Variants in PDXDC1 observed in about 807,000 individuals in gnomAD.
The protein encoded by PDXDC1 is pyridoxal-dependent decarboxylase domain-containing protein 1.
PDXDC1 carries 42 observed loss-of-function variants against 100.1 expected under a neutral mutation model. The ratio of observed to expected loss-of-function variants is 0.42; its 90% CI spans 0.33 to 0.54. The LOEUF is 0.54. PDXDC1 is among the 20% of genes least tolerant of loss of function. PDXDC1 has a pLI of 0.10. For missense variants in PDXDC1, 636 were observed against 979.2 expected (o/e 0.65, Z 4.68); for synonymous variants, 260 against 371.7 (o/e 0.70, Z 3.46).
intron 16 of PDXDC1, chr16:15,076,797 G>A (rs762847840): frequency 3.2e-6 from 2 of 627,750 alleles, no homozygotes; most frequent in Admixed American, 5.6e-5. Flanking sequence ...CACAATTATG[G>A]TGCAAGCCTG....
chr16:15,106,344 C>A (rs1209289314), intron 16 of PDXDC1: 4 of 669,920 alleles, frequency 6.0e-6, no homozygotes, highest in Non-Finnish European at 1.0e-5. Flanking sequence ...TCACTTTCAT[C>A]AGATAAAGCA....
chr16:14,996,996 C>T (rs1350640048), intron 1 of PDXDC1, among the ~76,000 whole-genome samples: 1 of 152,224 alleles, frequency 6.6e-6, no homozygotes, highest in Non-Finnish European at 1.5e-5. Context: ...TCATGCGTTG[C>T]CGGTACCCTG....
intron 17 of PDXDC1, 172 bp from the exon 18 acceptor site, chr16:15,032,689 C>G (rs1039507056): frequency 6.9e-6 from 3 of 433,098 alleles, no homozygotes; most frequent in Non-Finnish European, 8.3e-6. Context: ...GTGACTTTCT[C>G]TTTACTCCTG....
chr16:14,980,117 T>C (rs1306087722), intron 1 of PDXDC1, among the ~76,000 whole-genome samples: 1 of 152,282 alleles, frequency 6.6e-6, no homozygotes, highest in Non-Finnish European at 1.5e-5. Flanking sequence ...TGATCCTAGA[T>C]ATTTATGGCT....
At chr16:15,044,514 C>G (rs1364712526) in intron 16 of PDXDC1, 1 of 761,222 alleles carries the variant, frequency 1.3e-6, no homozygotes, top group African/African-American at 1.7e-5. Context: ...TGCTCTACAG[C>G]AGAGCTGCAG....
chr16:15,032,173 A>G (rs1316698727), intron 17 of PDXDC1: 2 of 499,516 alleles, frequency 4.0e-6, no homozygotes, highest in Non-Finnish European at 7.2e-6. Context: ...CAACAGGTAT[A>G]TATCACTCAC....
chr16:15,068,607 G>A (rs1352489081), intron 16 of PDXDC1, among the ~76,000 whole-genome samples: 2 of 152,194 alleles, frequency 1.3e-5, no homozygotes, highest in African/African-American at 4.8e-5. Flanking sequence ...AAGACCTTGT[G>A]ATTTGGTTTC....
chr16:15,132,455 A>G (rs1364335224), intron 16 of PDXDC1, among the ~76,000 whole-genome samples: 25 of 137,672 alleles, frequency 1.8e-4, no homozygotes, highest in African/African-American at 3.8e-4. Flanking sequence ...GGAGAGTGGA[A>G]GGCACAGAAC....
At chr16:15,051,296 G>A (rs2044280838) in intron 16 of PDXDC1, among the ~76,000 whole-genome samples, 1 of 152,194 alleles carries the variant, frequency 6.6e-6, no homozygotes, top group Non-Finnish European at 1.5e-5. Context: ...AGAAATAAAA[G>A]CAAAAATTAT....
rs1254286373 is a variant in PDXDC1, at chr16:15,047,763, A to G, written c.1399+17707A>G. The G allele has an allele frequency of 4.4e-6, 5 of 1,147,418 alleles. No homozygotes were observed. The African/African-American group carries it at 4.6e-5, about 10-fold the overall frequency. The allele number at this position is 1,147,418 out of a possible 1,614,324, so 71.1% of individuals were successfully genotyped here. On this transcript the variant is annotated intron_variant, in intron 16 of 16. Coordinates refer to the PDXDC1 transcript ENST00000535621. Reference sequence around the variant, plus strand: ...AAAAGGTAAGCGGAGTCCGCTTCCAACAAGACACCAGGAAACTCAACACGA... The same window carrying G: ...AAAAGGTAAGCGGAGTCCGCTTCCAGCAAGACACCAGGAAACTCAACACGA...
chr16:15,036,093 T>C lies in PDXDC1; in HGVS notation c.2185T>C (p.Leu729=). The C allele has an allele frequency of 6.2e-7, 1 of 1,614,098 alleles. No homozygotes were observed. The highest frequency in any genetic ancestry group is 1.1e-5 in the South Asian group (1 of 91,072). ...CAGCTCAGTCAGTCACATTGAAGAC[T>C]TAGAAAAGGTGGAGCGCCTATCCAG... ...ETSSVSHIED[L]EKVERLSSGP... Residue 729 remains leucine (L), a synonymous_variant, in exon 23 of 23, where the codon TTA becomes CTA. Transcript: ENST00000396410.
chr16:15,101,040 G>C (rs1352947742), intron 16 of PDXDC1, among the ~76,000 whole-genome samples: 2 of 152,114 alleles, frequency 1.3e-5, no homozygotes, highest in Non-Finnish European at 2.9e-5. Context: ...CTATTACTTT[G>C]GGCAATTGCC....
intron 16 of PDXDC1, chr16:15,130,674 C>A: frequency 1.1e-5 from 16 of 1,427,426 alleles, no homozygotes; most frequent in Non-Finnish European, 1.4e-5. Flanking sequence ...GTGGTCGGCA[C>A]CCTGGAGGGA....
chr16:15,057,848 G>A (rs1433207030), intron 16 of PDXDC1, among the ~76,000 whole-genome samples: 2 of 152,128 alleles, frequency 1.3e-5, no homozygotes, highest in Admixed American at 6.5e-5. Flanking sequence ...TTGCCTAACT[G>A]GTTTTTCACT....
chr16:14,995,073 A>G (rs1427367883), intron 1 of PDXDC1, among the ~76,000 whole-genome samples: 3 of 152,300 alleles, frequency 2.0e-5, no homozygotes, highest in Non-Finnish European at 2.9e-5. Flanking sequence ...ATATACAATC[A>G]TGTCATCTGC....
At chr16:15,109,689 A>T (rs2046955878) in intron 16 of PDXDC1, among the ~76,000 whole-genome samples, 1 of 129,576 alleles carries the variant, frequency 7.7e-6, no homozygotes, top group Non-Finnish European at 1.6e-5. Flanking sequence ...AAAAAAAAAA[A>T]AAAAAAAAAA....
intron 14 of PDXDC1, among the ~76,000 whole-genome samples, chr16:15,027,397 C>A (rs1418632373): frequency 2.0e-5 from 3 of 152,394 alleles, no homozygotes; most frequent in Non-Finnish European, 4.4e-5. Flanking sequence ...GCATGTGTTA[C>A]AGTGTGCTCT....
intron 16 of PDXDC1, among the ~76,000 whole-genome samples, chr16:15,081,398 G>A (rs565529196): frequency 1.2e-4 from 19 of 152,146 alleles, no homozygotes; most frequent in Admixed American, 3.3e-4. Context: ...CTGTCTTCTC[G>A]TTCTGATTAT....
the PDXDC1 span, among the ~76,000 whole-genome samples, chr16:15,146,030 A>C: frequency 6.6e-6 from 1 of 152,208 alleles, no homozygotes; most frequent in Non-Finnish European, 1.5e-5. Context: ...GAGCGAGGGC[A>C]GTGGCAGAAC....
Sources: gnomAD v4.1 joint callset for allele counts (sites outside exome capture counted in the v4.1 genomes callset) on GRCh38, gnomAD v4.1.1 for gene constraint, MANE v1.5 for transcripts, NCBI Gene and HGNC (gene_info 2026-07-23, HGNC 2026-07-21) for gene names.